The following BAZ1B variants were observed in gnomAD, a reference collection of about 807,000 sequenced individuals.
BAZ1B encodes bromodomain adjacent to zinc finger domain 1B.
A neutral mutation model predicts 153.8 loss-of-function variants in BAZ1B; 22 were observed. That is an observed-to-expected ratio of 0.14 (90% CI 0.10 to 0.20). BAZ1B has a LOEUF of 0.20. Ranked by LOEUF, BAZ1B falls within the 10% of genes least tolerant of loss-of-function variation. BAZ1B has a pLI of 1.00. For synonymous variants in BAZ1B, 676 were observed against 633.4 expected (o/e 1.07, Z -1.01); for missense variants, 1,325 against 1,799.3 (o/e 0.74, Z 4.77).
Position 73,451,014 on chromosome 7 carries a change from G to C in BAZ1B, c.3433-20C>G, listed in dbSNP as rs1583887248. The stretch of plus-strand genomic sequence containing the variant: ...TGCAACCTAAACAGAGACCAAACCA[G>C]GCCAGCATTACTACACTGACCAAAG... On this transcript the variant is annotated intron_variant, in intron 13 of 19. Coordinates refer to ENST00000339594, the MANE Select transcript of BAZ1B (RefSeq NM_032408.4). 1 of 1,613,132 alleles carries C rather than the reference G, an allele frequency of 6.2e-7. No individual in the cohort carries two copies. The highest frequency in any genetic ancestry group is 2.2e-5 in the East Asian group (1 of 44,858).
At chr7:73,481,202 C>T (rs1275088970) in intron 6 of BAZ1B, among the ~76,000 whole-genome samples, 1 of 151,342 alleles carries the variant, frequency 6.6e-6, no homozygotes, top group African/African-American at 2.4e-5. Context: ...GGATTACAGG[C>T]ATGAGCCACC....
At chr7:73,521,780 C>A in intron 1 of BAZ1B, 47 bp downstream of exon 1, 1 of 1,447,836 alleles carries the variant, frequency 6.9e-7, no homozygotes, top group South Asian at 1.3e-5. Flanking sequence ...AGGCCCTACC[C>A]CGGCCCAGCC....
At chr7:73,505,401 T>TA (rs1790297106) in intron 3 of BAZ1B, among the ~76,000 whole-genome samples, 1 of 152,174 alleles carries the variant, frequency 6.6e-6, no homozygotes. Flanking sequence ...TCAGCCTCTA[T>TA]ACCAAACTTG....
At chr7:73,510,315 G>C (rs1385179014) in intron 2 of BAZ1B, among the ~76,000 whole-genome samples, 2 of 152,046 alleles carry the variant, frequency 1.3e-5, no homozygotes, top group Non-Finnish European at 2.9e-5. Context: ...TGTAGTCCCA[G>C]CTACTTGGGA....
At position 73,466,400 on chromosome 7, in the gene BAZ1B, A is replaced by C. The variant is rs1554571168; in HGVS notation, c.2868T>G (p.Ser956Arg). The C allele has an allele frequency of 4.3e-6, 7 of 1,609,994 alleles. No homozygotes were observed. The highest frequency in any genetic ancestry group is 3.3e-5 in the Admixed American group (2 of 59,948). Residue 956 changes from serine (S) to arginine (R), a missense_variant and splice_region_variant, in exon 10 of 20, where the codon AGT (serine) becomes AGG (arginine). Physicochemically the swap from Ser to Arg is moderately radical, Grantham distance 110. Around this residue, in one of 9 missense-constraint regions of BAZ1B, gnomAD observed 431 missense variants for 563.5 expected, o/e 0.76. Transcript: ENST00000339594. Reference sequence around the variant, plus strand: ...CATTTTTACCTAAGTTTGCTTTCTTACCTAAGAAAAATTGAGACATTAGGT... The same window carrying C: ...CATTTTTACCTAAGTTTGCTTTCTTCCCTAAGAAAAATTGAGACATTAGGT... Reference protein sequence around the residue: ...VSGDEDYCPRSKKANLGKNAS... With the variant: ...VSGDEDYCPRRKKANLGKNAS...
intron 5 of BAZ1B, among the ~76,000 whole-genome samples, chr7:73,491,951 T>C (rs1369651656): frequency 2.0e-5 from 3 of 151,756 alleles, no homozygotes; most frequent in East Asian, 3.9e-4. Flanking sequence ...TAACATTCCA[T>C]ATTTCTTAGA....
intron 1 of BAZ1B, among the ~76,000 whole-genome samples, chr7:73,520,803 T>A (rs1226588058): frequency 1.3e-5 from 2 of 152,154 alleles, no homozygotes; most frequent in Non-Finnish European, 2.9e-5. Context: ...AACTGAGAAA[T>A]GAAGTCCTTC....
At position 73,498,601 on chromosome 7, in the gene BAZ1B, C is replaced by T; in HGVS notation, c.467G>A (p.Cys156Tyr). ...EATEKKSDGA[C>Y]DSPSSDKENS... is the part of the protein sequence containing the mutation. The stretch of plus-strand genomic sequence containing the variant: ...CTCTTTGTCACTTGATGGAGAATCA[C>T]AGGCACCATCAGATTTCTTCTCAGT... The change falls in exon 4 of 20, where the codon TGT becomes TAT. Residue 156 changes from cysteine (C) to tyrosine (Y), a missense_variant. Physicochemically the swap from Cys to Tyr is radical, Grantham distance 194. Transcript: ENST00000339594. 1 of 1,613,956 alleles carries T rather than the reference C, an allele frequency of 6.2e-7. No homozygotes were observed. Among genetic ancestry groups the T allele is most frequent in the South Asian group, 1.1e-5 (1 of 91,076 alleles).
intron 11 of BAZ1B, chr7:73,464,176 T>G: frequency 7.1e-6 from 7 of 984,940 alleles, no homozygotes; most frequent in Non-Finnish European, 8.4e-6. Flanking sequence ...AATCATATTT[T>G]CCTTCTCTCT....
chr7:73,445,195 G>C (rs1787785742), intron 16 of BAZ1B, among the ~76,000 whole-genome samples: 1 of 152,172 alleles, frequency 6.6e-6, no homozygotes, highest in African/African-American at 2.4e-5. Flanking sequence ...GTGGGGAGAT[G>C]ACACTGGACA....
At chr7:73,498,464 T>A in intron 4 of BAZ1B, 33 bp downstream of exon 4, 1 of 1,589,692 alleles carries the variant, frequency 6.3e-7, no homozygotes, top group Non-Finnish European at 8.6e-7. Context: ...CAGGATCTCA[T>A]AAAACACTAA....
At chr7:73,453,211 A>G (rs1261922055) in intron 13 of BAZ1B, among the ~76,000 whole-genome samples, 1 of 152,260 alleles carries the variant, frequency 6.6e-6, no homozygotes, top group Non-Finnish European at 1.5e-5. Flanking sequence ...GGGAACCACG[A>G]GGCATAATGC....
intron 7 of BAZ1B, among the ~76,000 whole-genome samples, chr7:73,474,000 A>T (rs1038030647): frequency 3.3e-5 from 5 of 152,176 alleles, no homozygotes; most frequent in Non-Finnish European, 7.3e-5. Flanking sequence ...GAAAAAGAAC[A>T]AGCTGGAAGA....
At chr7:73,473,718 T>A (rs782433374) in intron 7 of BAZ1B, among the ~76,000 whole-genome samples, 1 of 152,228 alleles carries the variant, frequency 6.6e-6, no homozygotes, top group Non-Finnish European at 1.5e-5. Context: ...CGGGGTTTGG[T>A]GGCTCAGGCC....
intron 13 of BAZ1B, among the ~76,000 whole-genome samples, chr7:73,456,198 A>G (rs1788191192): frequency 6.6e-6 from 1 of 152,192 alleles, no homozygotes; most frequent in Non-Finnish European, 1.5e-5. Flanking sequence ...AAACTATAAA[A>G]TATCTAGAAA....
chr7:73,445,231 G>A (rs1394796573), intron 16 of BAZ1B, among the ~76,000 whole-genome samples: 1 of 152,134 alleles, frequency 6.6e-6, no homozygotes, highest in Non-Finnish European at 1.5e-5. Context: ...GCAGTGACAC[G>A]AATAATCCAG....
At chr7:73,464,618 C>A (rs570948433) in intron 11 of BAZ1B, among the ~76,000 whole-genome samples, 1 of 152,166 alleles carries the variant, frequency 6.6e-6, no homozygotes, top group Non-Finnish European at 1.5e-5. Flanking sequence ...ACTTCTTTTG[C>A]TTAGCATGTT....
chr7:73,473,825 G>A (rs935336315), intron 7 of BAZ1B, among the ~76,000 whole-genome samples: 9 of 152,162 alleles, frequency 5.9e-5, no homozygotes, highest in South Asian at 4.1e-4. Flanking sequence ...TTAGCCAGGC[G>A]TGCTGACACA....
chr7:73,478,326 G>A lies in BAZ1B; in HGVS notation c.1135C>T (p.His379Tyr). 1 of 1,614,034 alleles carries A rather than the reference G, an allele frequency of 6.2e-7. No individual in the cohort carries two copies. The highest frequency in any genetic ancestry group is 1.1e-5 in the South Asian group (1 of 91,050). The change falls in exon 7 of 20, where the codon CAC becomes TAC. Residue 379 changes from histidine (H) to tyrosine (Y), a missense_variant. Transcript: ENST00000339594. Reference protein sequence around the residue: ...MMKMMSPNKLHTNFHIPKKGP... With the variant: ...MMKMMSPNKLYTNFHIPKKGP... ...TTTTTAGGAATGTGAAAGTTAGTGTGCAGCTTATTGGGCGACATCATCTTC... is the reference window on the plus strand; with the variant it reads ...TTTTTAGGAATGTGAAAGTTAGTGTACAGCTTATTGGGCGACATCATCTTC...
Sources: allele counts gnomAD v4.1 joint callset (sites outside exome capture counted in the v4.1 genomes callset), GRCh38; gene constraint gnomAD v4.1.1; regional missense constraint gnomAD v4.1.1; transcripts MANE v1.5; gene names NCBI Gene and HGNC (gene_info 2026-07-23, HGNC 2026-07-21).